The following TSPAN1 variants were observed in gnomAD, a reference collection of about 807,000 sequenced individuals.
TSPAN1 encodes the protein tetraspanin 1.
Under a neutral mutation model 26.9 loss-of-function variants are expected in TSPAN1, and 23 were observed. That is an observed-to-expected ratio of 0.85 (90% confidence interval 0.62 to 1.21). TSPAN1 has a LOEUF of 1.21. Ranked by LOEUF, TSPAN1 falls within the 50% of genes most tolerant of loss-of-function variation. The pLI, the probability that TSPAN1 is intolerant of heterozygous loss-of-function variation, is 0.00. For synonymous variants in TSPAN1, 115 were observed against 114.8 expected, an observed-to-expected ratio of 1.00 and a Z score of -0.01; for missense variants, 283 against 298.4, an observed-to-expected ratio of 0.95 and a Z score of 0.38.
downstream of TSPAN1, among the ~76,000 whole-genome samples, chr1:46,187,561 G>C (rs970160585): frequency 2.0e-5 from 3 of 152,258 alleles, no homozygotes; most frequent in African/African-American, 7.2e-5. Flanking sequence ...GGTCTGTGAG[G>C]GCCAGACCAG....
chr1:46,188,596 G>A (rs1657498271), downstream of TSPAN1: 1 of 1,468,944 alleles, frequency 6.8e-7, no homozygotes, highest in Admixed American at 2.3e-5. Context: ...AGGACAGTAA[G>A]GAAAACTCAC....
the TSPAN1 span, chr1:46,192,733 C>G: frequency 6.3e-7 from 1 of 1,594,910 alleles, no homozygotes; most frequent in Non-Finnish European, 8.6e-7. Flanking sequence ...TGTCTCCATT[C>G]ATCCACTGTA....
Position 46,185,578 on chromosome 1 carries a change from G to A in TSPAN1, c.*45G>A. On this transcript the variant is annotated 3_prime_UTR_variant, in exon 9 of 9. Transcript: ENST00000372003. The stretch of plus-strand genomic sequence containing the variant: ...ACTACTGCTGCCACATGGGAACTGT[G>A]AAGAGGCACCCTGGCAAGCAGCAGT... 6.2e-7 allele frequency: 1 copy of A among 1,604,172 alleles called. No homozygotes were observed. The highest frequency in any genetic ancestry group is 8.5e-7 in the Non-Finnish European group (1 of 1,171,612).
At chr1:46,193,129 T>A in the TSPAN1 span, 6 of 1,612,946 alleles carry the variant, frequency 3.7e-6, no homozygotes, top group South Asian at 6.6e-5. Context: ...CTTATGCCCA[T>A]GTTTCCCCCC....
chr1:46,192,412 G>C, the TSPAN1 span: 1 of 1,614,150 alleles, frequency 6.2e-7, no homozygotes, highest in South Asian at 1.1e-5. Context: ...AGTAGTGCTG[G>C]GTCCTCAGCC....
downstream of TSPAN1, chr1:46,189,522 G>A (rs367848204): frequency 2.3e-4 from 372 of 1,613,416 alleles, 1 homozygote; most frequent in Non-Finnish European, 2.9e-4. Flanking sequence ...AATCTCCACA[G>A]GCCCCGATGG....
At chr1:46,182,312 A>AAAAAAAAAAAAAAAAAAAAAAAAAAAG in intron 3 of TSPAN1, among the ~76,000 whole-genome samples, 1 of 144,578 alleles carries the variant, frequency 6.9e-6, no homozygotes, top group Non-Finnish European at 1.5e-5. Flanking sequence ...AGCAAAAAAA[A>AAAAAAAAAAAAAAAAAAAAAAAAAAAG]AAAAAGCCAC....
At chr1:46,190,647 T>C (rs1248344296), downstream of TSPAN1, 8 of 1,543,896 alleles carry the variant, frequency 5.2e-6, no homozygotes, top group East Asian at 2.2e-5. Flanking sequence ...AGGCCCAGCA[T>C]TGGAAGGGAC....
chr1:46,186,923 A>G (rs1452373097), downstream of TSPAN1, among the ~76,000 whole-genome samples: 1 of 151,608 alleles, frequency 6.6e-6, no homozygotes, highest in African/African-American at 2.4e-5. Context: ...CGGCCTCCCA[A>G]AGTGCTGGGA....
In TSPAN1 at chr1:46,185,597, C is replaced by T. The variant is rs1347540895; in HGVS notation, c.*64C>T. 6.4e-7 allele frequency: 1 copy of T among 1,568,226 alleles called. No homozygotes were observed. Among genetic ancestry groups the T allele is most frequent in the African/African-American group, 1.4e-5 (1 of 74,004 alleles). On this transcript the variant is annotated 3_prime_UTR_variant, in exon 9 of 9. Coordinates refer to ENST00000372003, the MANE Select transcript of TSPAN1 (RefSeq NM_005727.4). ...AACTGTGAAGAGGCACCCTGGCAAG[C>T]AGCAGTGATTGGGGGAGGGGACAGG...
intron 5 of TSPAN1, 47 bp from the exon 6 acceptor site, chr1:46,184,738 T>C: frequency 1.9e-6 from 3 of 1,612,678 alleles, no homozygotes; most frequent in Non-Finnish European, 2.5e-6. Context: ...GGCCTGTGAA[T>C]GGCCACCTTC....
chr1:46,180,188 G>A (rs1657282874), intron 1 of TSPAN1, among the ~76,000 whole-genome samples: 1 of 152,242 alleles, frequency 6.6e-6, no homozygotes, highest in Admixed American at 6.5e-5. Context: ...CATATGGATG[G>A]CAGCATGAGC....
chr1:46,193,975 G>A, the TSPAN1 span: 1 of 1,608,062 alleles, frequency 6.2e-7, no homozygotes, highest in Non-Finnish European at 8.5e-7. Context: ...CTTCAAACTG[G>A]GATCCCCACC....
rs2234267 is a variant in TSPAN1 at position 46,184,246 on chromosome 1, C to T, written c.113C>T (p.Ser38Phe). The change falls in exon 4 of 9, where the codon TCC (serine) becomes TTC (phenylalanine). Residue 38 changes from serine to phenylalanine, a missense_variant. Transcript: ENST00000372003. ...ATCTGGGTGTCAATCGATGGGGCAT[C>T]CTTTCTGAAGATCTTCGGGCCACTG... The part of the protein sequence containing the change: ...VGIWVSIDGA[S>F]FLKIFGPLSS... The T allele has an allele frequency of 1.3e-4, 206 of 1,614,174 alleles. No individual in the cohort carries two copies. In the African/African-American group the frequency reaches 2.7e-3, roughly 21 times the overall value.
At position 46,184,197 on chromosome 1, in the gene TSPAN1, G is replaced by C; in HGVS notation, c.64G>C (p.Gly22Arg). Residue 22 changes from glycine to arginine, a missense_variant, in exon 4 of 9, where the codon GGT becomes CGT. Gly to Arg is a moderately radical substitution (Grantham distance 125). Transcript: ENST00000372003. ...ILFNLLIFLC[G>R]AALLAVGIWV... ...CTGACCTCTCTCTCCCCAGCTGTGT[G>C]GTGCAGCCCTGTTGGCAGTGGGCAT... The C allele has an allele frequency of 1.2e-6, 2 of 1,614,170 alleles. No homozygotes were observed. The highest frequency in any genetic ancestry group is 8.5e-7 in the Non-Finnish European group (1 of 1,180,024).
rs1557665884 is a variant in TSPAN1 at position 46,184,854 on chromosome 1, A to G, written c.409A>G (p.Thr137Ala). Residue 137 changes from threonine (T) to alanine (A), a missense_variant, in exon 6 of 9, where the codon ACT (threonine) becomes GCT (alanine). Coordinates refer to ENST00000372003, the MANE Select transcript of TSPAN1 (RefSeq NM_005727.4). ...AGATTATGGTTCCCAGGAAGACTTC[A>G]CTCAAGTGTGGAACACCACCATGAA... ...KKDYGSQEDF[T>A]QVWNTTMKGL... 6.2e-7 allele frequency: 1 copy of G among 1,614,138 alleles called. No homozygotes were observed. The highest frequency in any genetic ancestry group is 1.3e-5 in the African/African-American group (1 of 75,020).
At position 46,175,343 on chromosome 1, in the gene TSPAN1, T is replaced by G. The variant is rs1657103858; in HGVS notation, c.-208T>G. ...TGAGACCAAAGATGGTCTATGTTGC[T>G]GACCTTGTCCTGTCCTCCTGCTGTC... On this transcript the variant is annotated 5_prime_UTR_variant, in exon 1 of 9. Transcript: ENST00000372003. 1 of 366,186 alleles carries G rather than the reference T, an allele frequency of 2.7e-6. No homozygotes were observed. Among genetic ancestry groups the G allele is most frequent in the Non-Finnish European group, 4.8e-6 (1 of 206,224 alleles). 22.7% of individuals were successfully genotyped at this position (366,186 alleles called of 1,614,324 possible).
At chr1:46,191,653 G>T in the TSPAN1 span, 1 of 241,476 alleles carries the variant, frequency 4.1e-6, no homozygotes, top group Non-Finnish European at 8.2e-6. Flanking sequence ...CTTTTTTTTT[G>T]AGATGGAGTC....
At chr1:46,189,013 A>T, downstream of TSPAN1, 20 of 1,592,878 alleles carry the variant, frequency 1.3e-5, no homozygotes, top group Non-Finnish European at 1.7e-5. Flanking sequence ...GGGCAGGATG[A>T]GCTGCTAGGG....
Sources: allele counts gnomAD v4.1 joint callset (sites outside exome capture counted in the v4.1 genomes callset), GRCh38; gene constraint gnomAD v4.1.1; transcripts MANE v1.5; gene names NCBI Gene and HGNC (gene_info 2026-07-23, HGNC 2026-07-21).